The following AKNAD1 variants were observed in gnomAD, a reference collection of about 807,000 sequenced individuals.
The protein encoded by AKNAD1 is AKNA domain containing 1, also known as protein AKNAD1.
A neutral mutation model predicts 90.8 loss-of-function variants in AKNAD1; 67 were observed. That is an observed-to-expected ratio of 0.74 (90% CI 0.61 to 0.90). The LOEUF (loss-of-function observed/expected upper bound fraction) is 0.90, where lower values mean the gene tolerates loss of function less well. Among genes scored for constraint, AKNAD1 ranks in the 40% least tolerant of loss-of-function variants. The pLI is 0.00. For missense variants in AKNAD1, 957 were observed against 975.4 expected (o/e 0.98, Z 0.25); for synonymous variants, 327 against 341.4 (o/e 0.96, Z 0.46).
chr1:108,818,728 C>T (rs185794373), intron 14 of AKNAD1, among the ~76,000 whole-genome samples: 13 of 151,918 alleles, frequency 8.6e-5, no homozygotes, highest in African/African-American at 2.7e-4. Flanking sequence ...TTTGGGAGGC[C>T]GAGGTGGGTG....
chr1:108,827,822 A>AAT (rs1159280180), intron 10 of AKNAD1, among the ~76,000 whole-genome samples: 1 of 151,264 alleles, frequency 6.6e-6, no homozygotes, highest in Non-Finnish European at 1.5e-5. Context: ...TCAAAAAAAA[A>AAT]AAAAAGAAAA....
rs41279674 is a variant in AKNAD1, at chr1:108,852,636, G to T, written c.29C>A (p.Thr10Lys). 1,178 of 1,591,924 alleles carry T rather than the reference G, an allele frequency of 7.4e-4. 3 individuals are homozygous for T. Among genetic ancestry groups the T allele is most frequent in the Admixed American group, 1.9e-3 (104 of 55,524 alleles). The stretch of plus-strand genomic sequence containing the variant: ...AGGCAAATCCTCCTGCTTATAAGTC[G>T]TGTGTTCTGAAAAATCAGCCTCATC... Reference protein sequence around the residue: MDEADFSEHTTYKQEDLPYD... With the variant: MDEADFSEHKTYKQEDLPYD... Residue 10 changes from threonine to lysine, a missense_variant, in exon 2 of 16, where the codon ACG (threonine) becomes AAG (lysine). Thr to Lys is a moderately conservative substitution (Grantham distance 78). Transcript: ENST00000370001.
Position 108,835,017 on chromosome 1 carries a change from C to T in AKNAD1, c.1576G>A (p.Gly526Ser), listed in dbSNP as rs1424849650. The T allele has an allele frequency of 6.4e-7, 1 of 1,570,706 alleles. No individual in the cohort carries two copies. Among genetic ancestry groups the T allele is most frequent in the Admixed American group, 2.1e-5 (1 of 48,700 alleles). Residue 526 changes from glycine (G) to serine (S), a missense_variant, in exon 8 of 16, where the codon GGC (glycine) becomes AGC (serine). Coordinates refer to ENST00000370001, the MANE Select transcript of AKNAD1 (RefSeq NM_152763.5). ...CCTGTTACCTCACTCCCACCTGAGCCTCGAGGCCCAGAAGGGTGGCCGGGG... is the reference window on the plus strand; with the variant it reads ...CCTGTTACCTCACTCCCACCTGAGCTTCGAGGCCCAGAAGGGTGGCCGGGG... ...EHPGHPSGPR[G>S]SGGSEVTGTP...
intron 1 of AKNAD1, among the ~76,000 whole-genome samples, chr1:108,853,136 C>CTTTCTTT (rs1553205089): frequency 1.5e-5 from 2 of 133,548 alleles, no homozygotes; most frequent in African/African-American, 5.8e-5. Context: ...TTTCTTTTTT[C>CTTTCTTT]TTTTTTTTTT....
Position 108,835,025 on chromosome 1 carries a change from C to T in AKNAD1, c.1568G>A (p.Gly523Glu), listed in dbSNP as rs149817254. The T allele has an allele frequency of 9.0e-5, 142 of 1,572,412 alleles. No individual in the cohort carries two copies. The African/African-American group carries it at 1.8e-3, about 20-fold the overall frequency. ...CTCACTCCCACCTGAGCCTCGAGGC[C>T]CAGAAGGGTGGCCGGGGTGCTCCTT... Reference protein sequence around the residue: ...IPKEHPGHPSGPRGSGGSEVT... With the variant: ...IPKEHPGHPSEPRGSGGSEVT... The change falls in exon 8 of 16, where the codon GGG (glycine) becomes GAG (glutamate). Residue 523 changes from glycine to glutamate, a missense_variant. Transcript: ENST00000370001.
rs368439907 is a variant in AKNAD1, at chr1:108,852,456, G to C, written c.209C>G (p.Thr70Ser). ...HSETCGNTAVTIPLGKITENA... is the reference protein window; with the variant it reads ...HSETCGNTAVSIPLGKITENA... ...TTCAGTAATTTTACCCAGGGGTATG[G>C]TCACAGCTGTATTTCCACAAGTCTC... is the stretch of plus-strand genomic sequence containing the variant. Residue 70 changes from threonine (T) to serine (S), a missense_variant, in exon 2 of 16, where the codon ACC becomes AGC. Coordinates refer to ENST00000370001, the MANE Select transcript of AKNAD1 (RefSeq NM_152763.5). 1.2e-6 allele frequency: 2 copies of C among 1,613,808 alleles called. No individual in the cohort carries two copies. The highest frequency in any genetic ancestry group is 3.3e-5 in the Admixed American group (2 of 59,950).
chr1:108,818,783 C>T (rs1452363956), intron 14 of AKNAD1, among the ~76,000 whole-genome samples: 13 of 151,592 alleles, frequency 8.6e-5, no homozygotes, highest in Admixed American at 3.9e-4. Context: ...GTCAACATAG[C>T]GAAACCCCGT....
chr1:108,820,468 T>C, intron 14 of AKNAD1, 77 bp downstream of exon 14: 1 of 919,230 alleles, frequency 1.1e-6, no homozygotes, highest in South Asian at 1.5e-5. Context: ...GGGTAGGTAG[T>C]TAATGCACTA....
chr1:108,822,748 C>T (rs778184235), intron 13 of AKNAD1, among the ~76,000 whole-genome samples: 3 of 152,136 alleles, frequency 2.0e-5, no homozygotes, highest in Non-Finnish European at 2.9e-5. Context: ...TATTTCCTTC[C>T]CTCCTTCCTG....
chr1:108,824,819 C>T (rs982777822), intron 11 of AKNAD1, among the ~76,000 whole-genome samples: 1 of 151,626 alleles, frequency 6.6e-6, no homozygotes, highest in African/African-American at 2.4e-5. Flanking sequence ...GCTGGGATTA[C>T]AGACATAAGC....
intron 9 of AKNAD1, 65 bp from the exon 10 acceptor site, chr1:108,830,715 G>A (rs1244118248): frequency 6.0e-6 from 9 of 1,491,994 alleles, no homozygotes; most frequent in East Asian, 2.3e-5. Flanking sequence ...GGCTGCACAC[G>A]CACAGCCCAG....
intron 6 of AKNAD1, among the ~76,000 whole-genome samples, chr1:108,841,873 A>G (rs1187096098): frequency 3.9e-5 from 6 of 152,148 alleles, no homozygotes; most frequent in African/African-American, 9.7e-5. Flanking sequence ...AGCTTCTCCC[A>G]TATATGGAAT....
rs573098081 is a variant in AKNAD1, at chr1:108,840,271, A to C, written c.1380-2565T>G. 2.2e-4 allele frequency among the ~76,000 whole-genome samples: 34 copies of C among 152,350 alleles called. No homozygotes were observed. In the South Asian group the frequency reaches 7.0e-3, roughly 32 times the overall value. On this transcript the variant is annotated intron_variant, in intron 6 of 15. Transcript: ENST00000370001. Reference sequence around the variant, plus strand: ...AGAAGAGAATTGCATAAGGTAGCCCAGTACAAGTTAAATATACAATATGGA... The same window carrying C: ...AGAAGAGAATTGCATAAGGTAGCCCCGTACAAGTTAAATATACAATATGGA...
chr1:108,826,735 TC>T (rs1383999569), intron 11 of AKNAD1, among the ~76,000 whole-genome samples: 1,956 of 134,532 alleles, frequency 0.015, 53 homozygotes, highest in African/African-American at 0.051. Context: ...TCTTTTCTTT[TC>T]TTTTTCTTTT....
intron 15 of AKNAD1, 92 bp downstream of exon 15, chr1:108,816,956 T>C: frequency 6.8e-7 from 1 of 1,465,682 alleles, no homozygotes. Context: ...GAAGCTCTGA[T>C]ACTGTAATAA....
intron 6 of AKNAD1, among the ~76,000 whole-genome samples, chr1:108,838,227 A>C (rs1664440661): frequency 2.0e-5 from 3 of 152,184 alleles, no homozygotes; most frequent in African/African-American, 7.2e-5. Flanking sequence ...ACCTCGTAAC[A>C]GTCCACAAAG....
chr1:108,849,157 T>A, intron 3 of AKNAD1, 97 bp from the exon 4 acceptor site: 1 of 1,085,060 alleles, frequency 9.2e-7, no homozygotes, highest in Non-Finnish European at 1.3e-6. Flanking sequence ...TCACCACCAC[T>A]TACTATTTTT....
chr1:108,817,786 T>G (rs1419072625), intron 14 of AKNAD1, among the ~76,000 whole-genome samples: 1 of 152,132 alleles, frequency 6.6e-6, no homozygotes, highest in Non-Finnish European at 1.5e-5. Context: ...ATTACAGGCC[T>G]GAGCCACCGC....
chr1:108,825,502 C>G (rs757041951), intron 11 of AKNAD1, among the ~76,000 whole-genome samples: 3 of 151,716 alleles, frequency 2.0e-5, no homozygotes, highest in African/African-American at 4.8e-5. Context: ...ATTCCAGAAC[C>G]CTTTTACACT....
Sources: gnomAD v4.1 joint callset for allele counts (sites outside exome capture counted in the v4.1 genomes callset) on GRCh38, gnomAD v4.1.1 for gene constraint, MANE v1.5 for transcripts, NCBI Gene and HGNC (gene_info 2026-07-23, HGNC 2026-07-21) for gene names.